The following LINGO2 variants were observed in gnomAD, a reference collection of about 807,000 sequenced individuals.
LINGO2 encodes the protein leucine-rich repeat and immunoglobulin-like domain-containing nogo receptor-interacting protein 2.
LINGO2 carries 14 observed loss-of-function variants against 30.6 expected under a neutral mutation model. The observed-to-expected ratio is 0.46, with a 90% CI of 0.30 to 0.72. LINGO2 has a LOEUF of 0.72. LINGO2 is among the 30% of genes least tolerant of loss of function. The pLI, the probability that LINGO2 is intolerant of heterozygous loss-of-function variation, is 0.07. For missense variants in LINGO2, 729 were observed against 751.7 expected, an observed-to-expected ratio of 0.97 and a Z score of 0.35; for synonymous variants, 317 against 288.5, an observed-to-expected ratio of 1.10 and a Z score of -1.00.
chr9:28,390,375 C>T (rs2134684632), intron 2 of LINGO2, among the ~76,000 whole-genome samples: 2 of 152,276 alleles, frequency 1.3e-5, no homozygotes, highest in Admixed American at 1.3e-4. Context: ...TGGATGTTAA[C>T]TCCGAAGCCA....
chr9:28,368,459 A>C (rs1269879125), intron 3 of LINGO2, among the ~76,000 whole-genome samples: 1 of 152,156 alleles, frequency 6.6e-6, no homozygotes, highest in Non-Finnish European at 1.5e-5. Flanking sequence ...GAGTTCTGAG[A>C]GCGAAGTTAG....
At chr9:27,980,120 T>C (rs1038305995) in intron 5 of LINGO2, among the ~76,000 whole-genome samples, 1 of 151,904 alleles carries the variant, frequency 6.6e-6, no homozygotes, top group Non-Finnish European at 1.5e-5. Context: ...GCCTTGATAC[T>C]GAGAAAGAAA....
At chr9:28,741,319 T>C in the LINGO2 span, among the ~76,000 whole-genome samples, 1 of 151,950 alleles carries the variant, frequency 6.6e-6, no homozygotes, top group African/African-American at 2.4e-5. Flanking sequence ...AAAATTCGGC[T>C]GTGTGGGCTG....
At chr9:28,274,379 T>C (rs778970179) in intron 4 of LINGO2, among the ~76,000 whole-genome samples, 60 of 152,296 alleles carry the variant, frequency 3.9e-4, no homozygotes, top group Middle Eastern at 3.4e-3. Flanking sequence ...ATGGCTAATG[T>C]TTGGGTTAAA....
At position 28,148,321 on chromosome 9, in the gene LINGO2, C is replaced by T. The variant is rs1827877014; in HGVS notation, c.-86-135916G>A. Reference sequence around the variant, plus strand: ...AACCCATGCTGTCTGCTCACAACTCCAGGATGTTTGGACACCTCAGCCCCG... The same window carrying T: ...AACCCATGCTGTCTGCTCACAACTCTAGGATGTTTGGACACCTCAGCCCCG... On this transcript the variant is annotated intron_variant, in intron 4 of 5. Coordinates refer to ENST00000379992, the Ensembl canonical transcript of LINGO2. The surrounding 1 kb of genome is among the most constrained non-coding windows in gnomAD (Gnocchi z 5.1). 1 of 872,574 alleles carries T rather than the reference C, an allele frequency of 1.1e-6. No homozygotes were observed. The highest frequency in any genetic ancestry group is 1.8e-6 in the Non-Finnish European group (1 of 543,504). The allele number at this position is 872,574 out of a possible 1,614,324, so 54.1% of individuals were successfully genotyped here.
At chr9:28,664,290 G>A (rs531666947) in intron 1 of LINGO2, among the ~76,000 whole-genome samples, 2 of 152,118 alleles carry the variant, frequency 1.3e-5, no homozygotes, top group Non-Finnish European at 2.9e-5. Flanking sequence ...TACTTCTAGG[G>A]GAGCTATCTG....
chr9:28,131,363 C>T (rs565206595), intron 4 of LINGO2, among the ~76,000 whole-genome samples: 1 of 152,248 alleles, frequency 6.6e-6, no homozygotes, highest in Non-Finnish European at 1.5e-5. Context: ...ACTGCATTTT[C>T]TATTTCTTTT....
the LINGO2 span, among the ~76,000 whole-genome samples, chr9:28,697,692 A>G: frequency 5.3e-5 from 8 of 152,110 alleles, no homozygotes; most frequent in Non-Finnish European, 7.4e-5. Context: ...AAGATAGGCT[A>G]AGGAGTCACA....
intron 2 of LINGO2, among the ~76,000 whole-genome samples, chr9:28,393,052 GTC>G (rs771473744): frequency 1.3e-5 from 2 of 152,172 alleles, no homozygotes; most frequent in Non-Finnish European, 2.9e-5. Flanking sequence ...CTCAGAAAAA[GTC>G]TCTTAGAGTG....
intron 1 of LINGO2, among the ~76,000 whole-genome samples, chr9:28,514,795 TTTCAATGTAGACAAAATAGCC>T (rs1161986459): frequency 7.2e-5 from 11 of 152,160 alleles, no homozygotes; most frequent in Non-Finnish European, 1.6e-4. Flanking sequence ...AACAACAGAT[TTTCAATGTAGACAAAATAGCC>T]TTCAATGTAG....
intron 1 of LINGO2, among the ~76,000 whole-genome samples, chr9:28,510,706 G>GCA (rs1163017941): frequency 1.5e-5 from 2 of 134,170 alleles, no homozygotes; most frequent in Non-Finnish European, 1.7e-5. Context: ...GTGTGTGTGT[G>GCA]TGTACACACA....
the LINGO2 span, among the ~76,000 whole-genome samples, chr9:28,707,580 A>G: frequency 6.6e-6 from 1 of 152,068 alleles, no homozygotes; most frequent in African/African-American, 2.4e-5. Flanking sequence ...AAACTGATTC[A>G]TTTTTGTCTC....
At chr9:28,608,829 T>C (rs1317609436) in intron 1 of LINGO2, among the ~76,000 whole-genome samples, 1 of 151,988 alleles carries the variant, frequency 6.6e-6, no homozygotes, top group Non-Finnish European at 1.5e-5. Context: ...TGTAAAAAGC[T>C]ATGAAAACTT....
intron 4 of LINGO2, among the ~76,000 whole-genome samples, chr9:28,051,486 AT>A (rs1563944539): frequency 2.6e-5 from 4 of 151,856 alleles, no homozygotes; most frequent in Non-Finnish European, 5.9e-5. Context: ...GGTATTTTGC[AT>A]ATATTTATCC....
the LINGO2 span, among the ~76,000 whole-genome samples, chr9:29,191,778 G>A: frequency 6.6e-6 from 1 of 152,126 alleles, no homozygotes; most frequent in Admixed American, 6.6e-5. Context: ...ATCAGGCACA[G>A]TGCTAGGTCC....
At chr9:28,827,957 C>A in the LINGO2 span, among the ~76,000 whole-genome samples, 1 of 151,862 alleles carries the variant, frequency 6.6e-6, no homozygotes, top group South Asian at 2.1e-4. Flanking sequence ...ACAGTATACA[C>A]AATCTATATT....
At position 28,506,505 on chromosome 9, in the gene LINGO2, C is replaced by CATATATATATATATATATAT. The variant is rs773033942; in HGVS notation, c.-364-30481_-364-30480insATATATATATATATATATAT. 4.7e-5 allele frequency among the ~76,000 whole-genome samples: 4 copies of CATATATATATATATATATAT among 84,426 alleles called. 1 individual carries two copies. The highest frequency in any genetic ancestry group is 1.8e-4 in the African/African-American group (4 of 22,716). 55.4% of individuals were successfully genotyped at this position (84,426 alleles called of 152,430 possible). A position where few individuals can be genotyped will look rare whatever the true frequency, so the allele number is the denominator to read the frequency against. ...ATACACATACACACACACACACAGA[C>CATATATATATATATATATAT]ATATATATATATATATAAACTGTTG... On this transcript the variant is annotated intron_variant, in intron 1 of 5. Coordinates refer to ENST00000379992, the Ensembl canonical transcript of LINGO2.
At position 28,271,173 on chromosome 9, in the gene LINGO2, A is replaced by C. The variant is rs148658015; in HGVS notation, c.-87+24035T>G. Reference sequence around the variant, plus strand: ...GAAAAAAGTAAAAAAAAAAAACACAAAAAACTTAGAACTTTGTAATTTAAT... The same window carrying C: ...GAAAAAAGTAAAAAAAAAAAACACACAAAACTTAGAACTTTGTAATTTAAT... On this transcript the variant is annotated intron_variant, in intron 4 of 5. Coordinates refer to ENST00000379992, the Ensembl canonical transcript of LINGO2. Among the ~76,000 whole-genome samples the C allele has an allele frequency of 3.8e-3, 577 of 152,080 alleles. 6 individuals carry two copies. Among genetic ancestry groups the C allele is most frequent in the African/African-American group, 0.013 (551 of 41,528 alleles).
chr9:28,817,837 T>C, the LINGO2 span, among the ~76,000 whole-genome samples: 1 of 152,192 alleles, frequency 6.6e-6, no homozygotes, highest in East Asian at 1.9e-4. Context: ...CTTTGACCTT[T>C]GGATTTCTGT....
Sources: allele counts gnomAD v4.1 joint callset (sites outside exome capture counted in the v4.1 genomes callset), GRCh38; gene constraint gnomAD v4.1.1; non-coding constraint Gnocchi (gnomAD v3.1); transcripts MANE v1.5; gene names NCBI Gene and HGNC (gene_info 2026-07-23, HGNC 2026-07-21).